The following IQSEC1 variants were observed in gnomAD, a reference collection of about 807,000 sequenced individuals.
IQSEC1 encodes the protein IQ motif and SEC7 domain-containing protein 1.
Under a neutral mutation model 91.0 loss-of-function variants are expected in IQSEC1, and 31 were observed. The observed-to-expected ratio is 0.34, with a 90% CI of 0.26 to 0.46. The LOEUF (loss-of-function observed/expected upper bound fraction) is 0.46, where lower values mean the gene tolerates loss of function less well. Among genes scored for constraint, IQSEC1 ranks in the 20% least tolerant of loss-of-function variants. The pLI, the probability that IQSEC1 is intolerant of heterozygous loss-of-function variation, is 1.00. For synonymous variants in IQSEC1, 699 were observed against 662.6 expected (o/e 1.05, Z -0.84); for missense variants, 1,388 against 1,575.6 (o/e 0.88, Z 2.02).
chr3:13,118,657 A>G (rs1490075694), intron 2 of IQSEC1, among the ~76,000 whole-genome samples: 1 of 152,136 alleles, frequency 6.6e-6, no homozygotes, highest in Non-Finnish European at 1.5e-5. Flanking sequence ...GCTGGGGAGG[A>G]GGGAATAGAA....
intron 1 of IQSEC1, among the ~76,000 whole-genome samples, chr3:12,955,723 G>C (rs975642045): frequency 6.6e-6 from 1 of 152,208 alleles, no homozygotes; most frequent in Non-Finnish European, 1.5e-5. Flanking sequence ...TTATTCTCCC[G>C]AGCGCCACCG....
Position 12,983,632 on chromosome 3 carries a change from T to G in IQSEC1, c.24-41767A>C, listed in dbSNP as rs1701577986. Reference sequence around the variant, plus strand: ...CCCACTCAGCCCCGATTCCACCTTCTTGGCTCAGCTCCTTCAGGGACGCCT... The same window carrying G: ...CCCACTCAGCCCCGATTCCACCTTCGTGGCTCAGCTCCTTCAGGGACGCCT... On this transcript the variant is annotated intron_variant, in intron 1 of 13. Transcript: ENST00000613206. This position sits in a 1 kb window ranked among gnomAD's most constrained non-coding sequence, Gnocchi z 4.3. Among the ~76,000 whole-genome samples, 1 of 152,156 alleles carries G rather than the reference T, an allele frequency of 6.6e-6. No homozygotes were observed. The highest frequency in any genetic ancestry group is 6.5e-5 in the Admixed American group (1 of 15,278).
chr3:13,063,663 A>G (rs1705143156), intron 1 of IQSEC1, among the ~76,000 whole-genome samples: 1 of 150,462 alleles, frequency 6.6e-6, no homozygotes, highest in South Asian at 2.1e-4. Context: ...CTGCTGGCAG[A>G]GCAGGGTCTG....
chr3:13,276,886 C>A (rs1245384902), intron 1 of IQSEC1, among the ~76,000 whole-genome samples: 2 of 152,080 alleles, frequency 1.3e-5, no homozygotes, highest in African/African-American at 4.8e-5. Context: ...TGGGTGGGGG[C>A]AGCACACTGG....
At chr3:12,934,977 C>T (rs1057008156) in intron 3 of IQSEC1, among the ~76,000 whole-genome samples, 7 of 151,794 alleles carry the variant, frequency 4.6e-5, no homozygotes, top group African/African-American at 1.5e-4. Flanking sequence ...GGCCTCAGGT[C>T]TGGCCTGCAT....
intron 1 of IQSEC1, among the ~76,000 whole-genome samples, chr3:13,212,537 G>A (rs901744857): frequency 6.6e-6 from 1 of 152,222 alleles, no homozygotes; most frequent in Non-Finnish European, 1.5e-5. Context: ...GCCCTGGAGT[G>A]GAATTGCCGG....
chr3:12,967,412 G>A lies in IQSEC1; in HGVS notation c.24-25547C>T. The A allele has an allele frequency of 6.5e-7, 1 of 1,535,588 alleles. No individual in the cohort carries two copies. The highest frequency in any genetic ancestry group is 1.4e-5 in the African/African-American group (1 of 72,054). On this transcript the variant is annotated intron_variant, in intron 1 of 13. Coordinates refer to ENST00000613206, the MANE Select transcript of IQSEC1 (RefSeq NM_001134382.3). The surrounding 1 kb of genome is among the most constrained non-coding windows in gnomAD (Gnocchi z 5.9). ...CCGCTGTCAAGCTCTAGCTCCAGAA[G>A]GGACTGGGTCCTCTCCGAGTTGCAG...
intron 1 of IQSEC1, among the ~76,000 whole-genome samples, chr3:12,985,175 C>A (rs1701667103): frequency 6.6e-6 from 1 of 152,204 alleles, no homozygotes; most frequent in Non-Finnish European, 1.5e-5. Context: ...GACTGCATCC[C>A]TACATCACAG....
chr3:13,031,465 C>T (rs1703838984), intron 1 of IQSEC1, among the ~76,000 whole-genome samples: 1 of 152,192 alleles, frequency 6.6e-6, no homozygotes, highest in Admixed American at 6.5e-5. Flanking sequence ...AACCGAGGTC[C>T]ACAGTGGGGC....
Position 13,026,864 on chromosome 3 carries a change from G to GCTTTTTTTTTTTTTTTT in IQSEC1, c.23+46127_23+46128insAAAAAAAAAAAAAAAAG, listed in dbSNP as rs370534423. ...TGAAGTAGCAGTTATTATCTCCCCA[G>GCTTTTTTTTTTTTTTTT]TTTTTTTTTTTTTTGTTTGTTTTTT... On this transcript the variant is annotated intron_variant, in intron 1 of 13. Transcript: ENST00000613206. Among the ~76,000 whole-genome samples the GCTTTTTTTTTTTTTTTT allele has an allele frequency of 5.5e-5, 5 of 90,864 alleles. 2 individuals are homozygous for GCTTTTTTTTTTTTTTTT. Among genetic ancestry groups the GCTTTTTTTTTTTTTTTT allele is most frequent in the African/African-American group, 3.4e-5 (1 of 29,786 alleles). The allele number at this position is 90,864 out of a possible 152,430, so 59.6% of individuals were successfully genotyped here.
Position 12,994,910 on chromosome 3 carries a change from A to C in IQSEC1, c.24-53045T>G, listed in dbSNP as rs1275705173. The C allele has an allele frequency of 6.5e-6, 1 of 152,820 alleles. No homozygotes were observed. Among genetic ancestry groups the C allele is most frequent in the Non-Finnish European group, 1.5e-5 (1 of 68,492 alleles). 9.5% of individuals were successfully genotyped at this position (152,820 alleles called of 1,614,324 possible). On this transcript the variant is annotated intron_variant, in intron 1 of 13. Transcript: ENST00000613206. This position sits in a 1 kb window ranked among gnomAD's most constrained non-coding sequence, Gnocchi z 4.5. ...CCCAAAGACGGGGAAGAAGTGGCGC[A>C]GATAGCAGAGGCTGGGCCTGGAAGG...
intron 1 of IQSEC1, among the ~76,000 whole-genome samples, chr3:12,968,629 G>C (rs1700752618): frequency 6.6e-6 from 1 of 152,138 alleles, no homozygotes; most frequent in Admixed American, 6.5e-5. Context: ...CCATTTGTAT[G>C]TTTACTTGTT....
At position 13,165,578 on chromosome 3, in the gene IQSEC1, G is replaced by GTGTGTGTGTGTGTGTCTGTC. The variant is rs1377649445; in HGVS notation, c.273-1446_273-1445insGACAGACACACACACACACA. Among the ~76,000 whole-genome samples the GTGTGTGTGTGTGTGTCTGTC allele has an allele frequency of 4.0e-3, 427 of 105,570 alleles. 5 individuals carry two copies. The highest frequency in any genetic ancestry group is 4.7e-3 in the Non-Finnish European group (262 of 55,492). 69.3% of individuals were successfully genotyped at this position (105,570 alleles called of 152,430 possible). A position where few individuals can be genotyped will look rare whatever the true frequency, so the allele number is the denominator to read the frequency against. ...TGTGTGTGTGTGTGTGTGTGTGTGT[G>GTGTGTGTGTGTGTGTCTGTC]TGTCTGTCTGTCTTCACTTCATCGC... On this transcript the variant is annotated intron_variant, in intron 1 of 15. Transcript: ENST00000648114.
intron 2 of IQSEC1, among the ~76,000 whole-genome samples, chr3:13,120,945 A>T (rs1179372187): frequency 1.3e-5 from 2 of 152,240 alleles, no homozygotes; most frequent in Admixed American, 6.5e-5. Context: ...TCCCAGATTC[A>T]ATGGCGTTTA....
At chr3:12,977,610 G>A (rs1333410167) in intron 1 of IQSEC1, among the ~76,000 whole-genome samples, 1 of 152,196 alleles carries the variant, frequency 6.6e-6, no homozygotes, top group Non-Finnish European at 1.5e-5. Context: ...TGGGGAGACA[G>A]CCTGCTGCCT....
intron 2 of IQSEC1, among the ~76,000 whole-genome samples, chr3:13,149,599 C>T (rs966405170): frequency 6.6e-6 from 1 of 152,090 alleles, no homozygotes; most frequent in Non-Finnish European, 1.5e-5. Flanking sequence ...TCCGGCTCCT[C>T]TATTGAGGCG....
intron 1 of IQSEC1, among the ~76,000 whole-genome samples, chr3:12,986,113 G>A (rs1309808440): frequency 2.0e-5 from 3 of 152,170 alleles, no homozygotes; most frequent in African/African-American, 4.8e-5. Context: ...TGCTACAAAC[G>A]AGGAAATGGA....
At position 12,935,954 on chromosome 3, in the gene IQSEC1, C is replaced by T. The variant is rs1283130724; in HGVS notation, c.1062G>A (p.Gln354=). Residue 354 remains glutamine (Q), a synonymous_variant, in exon 3 of 14, where the codon CAG becomes CAA. Transcript: ENST00000613206. This position sits in a 1 kb window ranked among gnomAD's most constrained non-coding sequence, Gnocchi z 8.0. ...SCRSTPSLER[Q]EQRLRVEHLP... The stretch of plus-strand genomic sequence containing the variant: ...GATGCTCCACCCGCAGCCGCTGCTC[C>T]TGCCGCTCCAGCGACGGCGTGCTCC... The T allele has an allele frequency of 3.8e-6, 6 of 1,599,242 alleles. No homozygotes were observed. Among genetic ancestry groups the T allele is most frequent in the Non-Finnish European group, 5.1e-6 (6 of 1,179,488 alleles).
intron 1 of IQSEC1, among the ~76,000 whole-genome samples, chr3:13,276,120 G>T (rs1250854197): frequency 1.9e-5 from 2 of 104,104 alleles, no homozygotes; most frequent in African/African-American, 7.4e-5. Flanking sequence ...ACAGAGTCTT[G>T]CTCTGTCACT....
Sources: allele counts gnomAD v4.1 joint callset (sites outside exome capture counted in the v4.1 genomes callset), GRCh38; gene constraint gnomAD v4.1.1; non-coding constraint Gnocchi (gnomAD v3.1); transcripts MANE v1.5; gene names NCBI Gene and HGNC (gene_info 2026-07-23, HGNC 2026-07-21).